Variants in SLC51A observed in about 807,000 individuals in gnomAD.
SLC51A encodes solute carrier family 51 member A, also known as organic solute transporter subunit alpha.
Under a neutral mutation model 34.8 loss-of-function variants are expected in SLC51A, and 22 were observed. The ratio of observed to expected loss-of-function variants is 0.63; its 90% CI spans 0.45 to 0.90. SLC51A has a LOEUF of 0.90. Ranked by LOEUF, SLC51A falls within the 40% of genes least tolerant of loss-of-function variation. The pLI is 0.00. For missense variants in SLC51A, 371 were observed against 414.8 expected (o/e 0.89, Z 0.92); for synonymous variants, 181 against 176.3 (o/e 1.03, Z -0.21).
rs113960937 is a variant in SLC51A, at chr3:196,226,082, C to G, written c.134-883C>G. On this transcript the variant is annotated intron_variant, in intron 2 of 8. Coordinates refer to ENST00000296327, the MANE Select transcript of SLC51A (RefSeq NM_152672.6). Reference sequence around the variant, plus strand: ...CTGTAATCCCAGCACTTTGGGAGACCAGGGTGGAAGGACTGCTTAAGCCTA... The same window carrying G: ...CTGTAATCCCAGCACTTTGGGAGACGAGGGTGGAAGGACTGCTTAAGCCTA... 6.2e-3 allele frequency among the ~76,000 whole-genome samples: 943 copies of G among 152,184 alleles called. 17 individuals carry two copies. The highest frequency in any genetic ancestry group is 0.021 in the African/African-American group (856 of 41,514).
chr3:196,221,862 C>G (rs1283736957), intron 2 of SLC51A, among the ~76,000 whole-genome samples: 2 of 151,974 alleles, frequency 1.3e-5, no homozygotes, highest in Non-Finnish European at 2.9e-5. Context: ...ACTACAGGCG[C>G]CCGCCACCAC....
At chr3:196,217,410 A>C (rs1032034967) in intron 1 of SLC51A, among the ~76,000 whole-genome samples, 1 of 152,008 alleles carries the variant, frequency 6.6e-6, no homozygotes, top group Non-Finnish European at 1.5e-5. Flanking sequence ...GGTGGCGTGC[A>C]CCTGTAGTCC....
chr3:196,227,471 G>T (rs182907254), intron 3 of SLC51A, 193 bp from the exon 4 acceptor site: 3 of 616,384 alleles, frequency 4.9e-6, no homozygotes, highest in African/African-American at 1.8e-5. Context: ...CCACCCTTAC[G>T]CTGAGGCTTT....
chr3:196,218,862 AC>A (rs1005168087), intron 2 of SLC51A, among the ~76,000 whole-genome samples: 3 of 151,874 alleles, frequency 2.0e-5, no homozygotes, highest in Non-Finnish European at 4.4e-5. Context: ...AAAAAAAAAA[AC>A]ATAGGTGAAC....
chr3:196,217,679 G>A (rs1173380958), intron 1 of SLC51A, among the ~76,000 whole-genome samples, 163 bp from the exon 2 acceptor site: 4 of 151,932 alleles, frequency 2.6e-5, no homozygotes, highest in African/African-American at 9.7e-5. Context: ...AAGAGAAAGA[G>A]AGAGTGAAAG....
rs78135195 is a variant in SLC51A, at chr3:196,227,243, G to A, written c.288+124G>A. 2.2e-3 allele frequency: 2,282 copies of A among 1,025,896 alleles called. 29 individuals carry two copies. The African/African-American group carries it at 0.031, about 14-fold the overall frequency. 63.5% of individuals were successfully genotyped at this position (1,025,896 alleles called of 1,614,324 possible). On this transcript the variant is annotated intron_variant, in intron 3 of 8. Transcript: ENST00000296327. ...GTCCTGCCACGACCCGCGGAGGGCCGAGGTTTGCAGGCCGACCTCCCCTTG... is the reference window on the plus strand; with the variant it reads ...GTCCTGCCACGACCCGCGGAGGGCCAAGGTTTGCAGGCCGACCTCCCCTTG...
chr3:196,221,587 C>A lies in SLC51A; in HGVS notation c.133+3651C>A, dbSNP rs372756685. On this transcript the variant is annotated intron_variant, in intron 2 of 8. Transcript: ENST00000296327. The stretch of plus-strand genomic sequence containing the variant: ...GGCCTTAAAGCTACTTTTTATTGAA[C>A]AAATACTACACGCCAGGTGCTTTGC... Among the ~76,000 whole-genome samples, 6 of 151,558 alleles carry A rather than the reference C, an allele frequency of 4.0e-5. No homozygotes were observed. The South Asian group carries it at 1.3e-3, about 32-fold the overall frequency.
intron 7 of SLC51A, among the ~76,000 whole-genome samples, chr3:196,230,628 G>T (rs978294422): frequency 6.6e-6 from 1 of 151,986 alleles, no homozygotes; most frequent in Admixed American, 6.6e-5. Context: ...GGGATTACAG[G>T]CATGTACCAC....
intron 2 of SLC51A, among the ~76,000 whole-genome samples, chr3:196,221,333 A>G (rs1723751158): frequency 6.6e-6 from 1 of 151,332 alleles, no homozygotes; most frequent in Admixed American, 6.6e-5. Context: ...TAATTTTAAA[A>G]TCACGGCTCA....
At chr3:196,220,253 C>T (rs1723715135) in intron 2 of SLC51A, among the ~76,000 whole-genome samples, 1 of 152,210 alleles carries the variant, frequency 6.6e-6, no homozygotes, top group African/African-American at 2.4e-5. Flanking sequence ...AGTCGTGCTT[C>T]TCGGCCATTC....
At chr3:196,227,575 G>C (rs776478238) in intron 3 of SLC51A, 89 bp from the exon 4 acceptor site, 58 of 1,112,958 alleles carry the variant, frequency 5.2e-5, no homozygotes, top group Non-Finnish European at 7.7e-5. Context: ...GAATGTGTAG[G>C]TTTTGCCTCC....
chr3:196,229,230 G>A (rs759929052), intron 6 of SLC51A, among the ~76,000 whole-genome samples: 42 of 152,280 alleles, frequency 2.8e-4, no homozygotes, highest in East Asian at 7.7e-4. Flanking sequence ...ACAATATAGC[G>A]AGATGCCATT....
chr3:196,224,456 A>G (rs1187438158), intron 2 of SLC51A, among the ~76,000 whole-genome samples: 1 of 150,610 alleles, frequency 6.6e-6, no homozygotes, highest in Non-Finnish European at 1.5e-5. Context: ...GCACTTTGGG[A>G]GGCCGAGGTG....
chr3:196,218,100 C>CAA (rs1184620322), intron 2 of SLC51A, among the ~76,000 whole-genome samples, 164 bp downstream of exon 2: 1 of 152,192 alleles, frequency 6.6e-6, no homozygotes, highest in African/African-American at 2.4e-5. Flanking sequence ...GGCAATGCCT[C>CAA]AAGGAGTCAG....
chr3:196,220,637 G>A (rs374541764), intron 2 of SLC51A, among the ~76,000 whole-genome samples: 53 of 152,178 alleles, frequency 3.5e-4, no homozygotes, highest in African/African-American at 1.2e-3. Flanking sequence ...ATGAGAGGTC[G>A]TTGCCCCGGC....
chr3:196,228,062 T>C lies in SLC51A; in HGVS notation c.363-53T>C. On this transcript the variant is annotated intron_variant, in intron 4 of 8. Coordinates refer to ENST00000296327, the MANE Select transcript of SLC51A (RefSeq NM_152672.6). This position sits in a 1 kb window ranked among gnomAD's most constrained non-coding sequence, Gnocchi z 4.9. The stretch of plus-strand genomic sequence containing the variant: ...CTCAGTAAGCCCCACCTCTCCCTGC[T>C]GTCTTTCTCTCTGGCAGCAGACCTC... 1 of 1,579,048 alleles carries C rather than the reference T, an allele frequency of 6.3e-7. No individual in the cohort carries two copies. Among genetic ancestry groups the C allele is most frequent in the East Asian group, 2.2e-5 (1 of 44,542 alleles).
chr3:196,228,336 C>G lies in SLC51A; in HGVS notation c.521+63C>G. ...GAGCCTCTCCTGGACCCCTGGTCCC[C>G]TTCAAGGCTCTGGGAATTAGGCGTG... On this transcript the variant is annotated intron_variant, in intron 5 of 8. Coordinates refer to ENST00000296327, the MANE Select transcript of SLC51A (RefSeq NM_152672.6). The surrounding 1 kb of genome is among the most constrained non-coding windows in gnomAD (Gnocchi z 4.9). 1 of 1,540,980 alleles carries G rather than the reference C, an allele frequency of 6.5e-7. No homozygotes were observed. Among genetic ancestry groups the G allele is most frequent in the Non-Finnish European group, 8.7e-7 (1 of 1,148,898 alleles).
Position 196,227,143 on chromosome 3 carries a change from TG to T in SLC51A, c.288+30del, listed in dbSNP as rs368740286. ...CGGTGAGGCCCCCGGGGCTGCCCTG[TG>T]GGGGGAACTGAAAAGAAGGCAGAGA... On this transcript the variant is annotated intron_variant, in intron 3 of 8. Coordinates refer to ENST00000296327, the MANE Select transcript of SLC51A (RefSeq NM_152672.6). 6.9e-4 allele frequency: 1,110 copies of T among 1,607,864 alleles called. 6 individuals are homozygous for T. The Middle Eastern group carries it at 7.3e-3, about 11-fold the overall frequency.
chr3:196,216,637 C>A lies in SLC51A; in HGVS notation c.-76C>A. ...CCCCGGCCCAGGCAAGCCACCCTGC[C>A]CCCGGCCCCCACCTGCCCGCCCCGC... On this transcript the variant is annotated 5_prime_UTR_variant, in exon 1 of 9. Transcript: ENST00000296327. The surrounding 1 kb of genome is among the most constrained non-coding windows in gnomAD (Gnocchi z 4.5). 6.7e-7 allele frequency: 1 copy of A among 1,483,618 alleles called. No individual in the cohort carries two copies. The allele number at this position is 1,483,618 out of a possible 1,614,324, so 91.9% of individuals were successfully genotyped here.
Sources: gnomAD v4.1 joint callset for allele counts (sites outside exome capture counted in the v4.1 genomes callset) on GRCh38, gnomAD v4.1.1 for gene constraint, Gnocchi (gnomAD v3.1) non-coding constraint, MANE v1.5 for transcripts, NCBI Gene and HGNC (gene_info 2026-07-23, HGNC 2026-07-21) for gene names.